Variants in PRKD1 observed in about 807,000 individuals in gnomAD.
PRKD1 encodes the protein serine/threonine-protein kinase D1.
Under a neutral mutation model 95.9 loss-of-function variants are expected in PRKD1, and 63 were observed. The observed-to-expected ratio is 0.66, with a 90% CI of 0.54 to 0.81. The LOEUF is 0.81. Ranked by LOEUF, PRKD1 falls within the 30% of genes least tolerant of loss-of-function variation. The pLI, the probability that PRKD1 is intolerant of heterozygous loss-of-function variation, is 0.00. For synonymous variants in PRKD1, 425 were observed against 423.1 expected (o/e 1.00, Z -0.05); for missense variants, 1,048 against 1,165.3 (o/e 0.90, Z 1.47).
chr14:29,686,711 G>A (rs2185012), intron 2 of PRKD1, among the ~76,000 whole-genome samples: 78,895 of 152,040 alleles, frequency 0.52, 23,089 homozygotes, highest in African/African-American at 0.8. Flanking sequence ...CTATACTTCA[G>A]TTTCTCCATC....
At chr14:29,661,821 C>T (rs542376325) in intron 4 of PRKD1, among the ~76,000 whole-genome samples, 1 of 152,234 alleles carries the variant, frequency 6.6e-6, no homozygotes, top group African/African-American at 2.4e-5. Context: ...CTTGTGGCTC[C>T]AATATTTTCT....
intron 1 of PRKD1, among the ~76,000 whole-genome samples, chr14:29,873,006 C>T (rs550511823): frequency 6.6e-6 from 1 of 152,270 alleles, no homozygotes; most frequent in African/African-American, 2.4e-5. Context: ...TTATACAATG[C>T]ATAAGTGAGG....
rs1476119580 is a variant in PRKD1 at position 29,710,805 on chromosome 14, C to A, written c.403+14731G>T. ...TATATTTTGCTACTTTTCTGTAAAT[C>A]TAAAATTATTCCAAAATACAAGTTT... On this transcript the variant is annotated intron_variant, in intron 2 of 17. Transcript: ENST00000331968. Among the ~76,000 whole-genome samples the A allele has an allele frequency of 5.9e-5, 9 of 152,006 alleles. No homozygotes were observed. In the East Asian group the frequency reaches 1.4e-3, roughly 23 times the overall value.
intron 1 of PRKD1, among the ~76,000 whole-genome samples, chr14:29,818,607 A>C (rs1890785269): frequency 7.0e-6 from 1 of 143,718 alleles, no homozygotes; most frequent in Non-Finnish European, 1.5e-5. Context: ...TGAAAAGAAT[A>C]CTTCATTTGA....
chr14:29,666,816 A>T (rs777552548), intron 2 of PRKD1, among the ~76,000 whole-genome samples: 6 of 152,122 alleles, frequency 3.9e-5, no homozygotes, highest in Admixed American at 6.5e-5. Context: ...CATGCCAAAG[A>T]GAGGGATTTA....
chr14:29,638,450 T>A (rs760682588), intron 6 of PRKD1, 39 bp downstream of exon 6: 1 of 1,605,166 alleles, frequency 6.2e-7, no homozygotes, highest in Admixed American at 1.7e-5. Flanking sequence ...CTCTCTAATA[T>A]GGAAGAAGCA....
intron 1 of PRKD1, among the ~76,000 whole-genome samples, chr14:29,837,968 T>A (rs1891676397): frequency 6.6e-6 from 1 of 152,162 alleles, no homozygotes; most frequent in African/African-American, 2.4e-5. Flanking sequence ...GGTACTACAT[T>A]AGAAAATACT....
intron 1 of PRKD1, among the ~76,000 whole-genome samples, chr14:29,820,378 G>A (rs1890865145): frequency 6.6e-6 from 1 of 152,236 alleles, no homozygotes; most frequent in Non-Finnish European, 1.5e-5. Flanking sequence ...ATGAAATGCT[G>A]TTGTAACAAA....
chr14:29,873,986 TGTC>T (rs1893201595), intron 1 of PRKD1, among the ~76,000 whole-genome samples: 1 of 152,206 alleles, frequency 6.6e-6, no homozygotes, highest in African/African-American at 2.4e-5. Flanking sequence ...AAATCTATGT[TGTC>T]ATTTTACATA....
chr14:29,729,683 TTTAAC>T (rs1243091170), intron 1 of PRKD1, among the ~76,000 whole-genome samples: 4 of 152,058 alleles, frequency 2.6e-5, no homozygotes, highest in East Asian at 3.8e-4. Flanking sequence ...ATTTCCATTC[TTTAAC>T]TTAACTTTAA....
At chr14:29,673,584 A>C (rs1251693288) in intron 2 of PRKD1, among the ~76,000 whole-genome samples, 1 of 152,236 alleles carries the variant, frequency 6.6e-6, no homozygotes, top group East Asian at 1.9e-4. Flanking sequence ...TTATCTGTTC[A>C]CACATAACAT....
intron 1 of PRKD1, among the ~76,000 whole-genome samples, chr14:29,922,196 A>G (rs968589192): frequency 2.6e-5 from 4 of 151,816 alleles, no homozygotes; most frequent in Admixed American, 6.6e-5. Flanking sequence ...AGCTACTTGG[A>G]AGGCTGAGGC....
At chr14:29,829,140 GA>G (rs939095766) in intron 1 of PRKD1, among the ~76,000 whole-genome samples, 1 of 152,104 alleles carries the variant, frequency 6.6e-6, no homozygotes, top group African/African-American at 2.4e-5. Flanking sequence ...TGTGAGTGAA[GA>G]AAACTTTGGA....
At chr14:29,783,750 G>A (rs989169421) in intron 1 of PRKD1, among the ~76,000 whole-genome samples, 5 of 152,114 alleles carry the variant, frequency 3.3e-5, no homozygotes, top group Admixed American at 1.3e-4. Context: ...GAGATGCTGA[G>A]CATTTTTTCT....
intron 1 of PRKD1, among the ~76,000 whole-genome samples, chr14:29,905,708 C>T (rs751420906): frequency 1.3e-5 from 2 of 152,164 alleles, no homozygotes; most frequent in African/African-American, 4.8e-5. Context: ...GGGAGAAGCC[C>T]TCCTCAAGGT....
At chr14:29,842,685 C>T (rs1424337574) in intron 1 of PRKD1, among the ~76,000 whole-genome samples, 1 of 152,194 alleles carries the variant, frequency 6.6e-6, no homozygotes, top group Admixed American at 6.5e-5. Context: ...GTTCCTTAAA[C>T]ATTTAATTAA....
intron 1 of PRKD1, among the ~76,000 whole-genome samples, chr14:29,902,538 C>T (rs1454894431): frequency 6.6e-6 from 1 of 152,046 alleles, no homozygotes; most frequent in Non-Finnish European, 1.5e-5. Context: ...TTTTATTCGC[C>T]CACAGAGGCG....
intron 2 of PRKD1, among the ~76,000 whole-genome samples, chr14:29,716,592 G>A (rs1025508696): frequency 5.9e-5 from 9 of 152,158 alleles, no homozygotes; most frequent in Non-Finnish European, 8.8e-5. Context: ...GAGCTGTAAC[G>A]AAGATATGAA....
chr14:29,622,415 T>A (rs1174762910), intron 13 of PRKD1, among the ~76,000 whole-genome samples: 59 of 151,336 alleles, frequency 3.9e-4, no homozygotes, highest in Admixed American at 1.6e-3. Flanking sequence ...TTTATTATTT[T>A]TTTTTTTTTT....
Sources: gnomAD v4.1 joint callset for allele counts (sites outside exome capture counted in the v4.1 genomes callset) on GRCh38, gnomAD v4.1.1 for gene constraint, MANE v1.5 for transcripts, NCBI Gene and HGNC (gene_info 2026-07-23, HGNC 2026-07-21) for gene names.